Variants in GREM2 observed in about 807,000 individuals in gnomAD.
The protein encoded by GREM2 is gremlin 2, DAN family BMP antagonist, also known as gremlin-2.
Under a neutral mutation model 14.2 loss-of-function variants are expected in GREM2, and 11 were observed. That is an observed-to-expected ratio of 0.78 (90% CI 0.49 to 1.28). The LOEUF is 1.28. Ranked by LOEUF, GREM2 falls within the 50% of genes most tolerant of loss-of-function variation. The probability of loss-of-function intolerance (pLI) is 0.00; values close to 1 mark genes in which losing one functional copy is unlikely to be tolerated. For synonymous variants in GREM2, 98 were observed against 97.6 expected, an observed-to-expected ratio of 1.00 and a Z score of -0.02; for missense variants, 210 against 218.5, an observed-to-expected ratio of 0.96 and a Z score of 0.24.
intron 1 of GREM2, among the ~76,000 whole-genome samples, chr1:240,546,172 T>G (rs1678712202): frequency 6.6e-6 from 1 of 151,894 alleles, no homozygotes; most frequent in Non-Finnish European, 1.5e-5. Flanking sequence ...CCATCTCTAC[T>G]AAAAGACACA....
chr1:240,511,565 A>G (rs955743034), intron 1 of GREM2, among the ~76,000 whole-genome samples: 4 of 152,194 alleles, frequency 2.6e-5, no homozygotes, highest in African/African-American at 9.7e-5. Flanking sequence ...AGCCTGGCCA[A>G]CACGGTGAAA....
intron 1 of GREM2, chr1:240,531,763 C>G: frequency 2.5e-6 from 2 of 813,940 alleles, no homozygotes; most frequent in South Asian, 5.6e-5. Context: ...GACTGGAGAG[C>G]AATGGCGTGA....
At chr1:240,534,347 G>A (rs1678427711) in intron 1 of GREM2, among the ~76,000 whole-genome samples, 4 of 152,292 alleles carry the variant, frequency 2.6e-5, no homozygotes, top group Admixed American at 2.6e-4. Flanking sequence ...CAATTATGAG[G>A]AACCCTGAAA....
intron 1 of GREM2, among the ~76,000 whole-genome samples, chr1:240,609,598 C>G (rs993093359): frequency 1.3e-5 from 2 of 151,992 alleles, no homozygotes; most frequent in Non-Finnish European, 2.9e-5. Flanking sequence ...TGAAATAATT[C>G]TTTTTTGTCC....
chr1:240,495,139 AT>A (rs1200546939), intron 1 of GREM2, among the ~76,000 whole-genome samples: 1 of 152,206 alleles, frequency 6.6e-6, no homozygotes, highest in Admixed American at 6.5e-5. Flanking sequence ...AAATTTTTGT[AT>A]TTTTAGTAGT....
chr1:240,505,292 T>C (rs1677653038), intron 1 of GREM2, among the ~76,000 whole-genome samples: 1 of 152,172 alleles, frequency 6.6e-6, no homozygotes, highest in Non-Finnish European at 1.5e-5. Context: ...CTTTATACAT[T>C]ACCCATTCTC....
At chr1:240,537,023 C>T (rs1678487821) in intron 1 of GREM2, among the ~76,000 whole-genome samples, 1 of 152,140 alleles carries the variant, frequency 6.6e-6, no homozygotes, top group African/African-American at 2.4e-5. Flanking sequence ...ATTCCTAAGA[C>T]TTAGATACAT....
At chr1:240,571,402 T>C (rs1196978866) in intron 1 of GREM2, among the ~76,000 whole-genome samples, 1 of 152,110 alleles carries the variant, frequency 6.6e-6, no homozygotes, top group Non-Finnish European at 1.5e-5. Flanking sequence ...GACTACTCTA[T>C]AGAAAAAGAA....
intron 1 of GREM2, among the ~76,000 whole-genome samples, chr1:240,608,866 G>C (rs953781925): frequency 6.6e-6 from 1 of 152,138 alleles, no homozygotes; most frequent in Non-Finnish European, 1.5e-5. Context: ...TTGGCGACCG[G>C]AGTCTTCCTC....
At chr1:240,510,112 G>A (rs1354751023) in intron 1 of GREM2, among the ~76,000 whole-genome samples, 16 of 152,144 alleles carry the variant, frequency 1.1e-4, no homozygotes, top group Admixed American at 9.8e-4. Context: ...GCTCACGCCT[G>A]TAATCCCAGC....
intron 1 of GREM2, among the ~76,000 whole-genome samples, chr1:240,539,609 C>T (rs1239013333): frequency 6.6e-6 from 1 of 152,074 alleles, no homozygotes; most frequent in African/African-American, 2.4e-5. Context: ...TTGAAAGCCT[C>T]GAAATAACGT....
At chr1:240,527,936 GA>G (rs1678261811) in intron 1 of GREM2, among the ~76,000 whole-genome samples, 1 of 152,082 alleles carries the variant, frequency 6.6e-6, no homozygotes, top group Non-Finnish European at 1.5e-5. Context: ...AACACCAGAG[GA>G]AAATGAAATT....
chr1:240,558,969 C>T (rs1678994823), intron 1 of GREM2, among the ~76,000 whole-genome samples: 1 of 152,006 alleles, frequency 6.6e-6, no homozygotes, highest in African/African-American at 2.4e-5. Context: ...TGTATTTAAC[C>T]TGTTGTGTTG....
At position 240,492,366 on chromosome 1, in the gene GREM2, C is replaced by T; in HGVS notation, c.*603G>A. ...AGCCCACTTCGGGATCCAAGTGGCT[C>T]AAGTTGTCTTCTTGGTATCAGGTTT... is the stretch of plus-strand genomic sequence containing the variant. On this transcript the variant is annotated 3_prime_UTR_variant, in exon 2 of 2. Transcript: ENST00000318160. The T allele has an allele frequency of 3.4e-6, 1 of 297,132 alleles. No individual in the cohort carries two copies. The highest frequency in any genetic ancestry group is 7.0e-6 in the Non-Finnish European group (1 of 142,144). 18.4% of individuals were successfully genotyped at this position (297,132 alleles called of 1,614,324 possible).
chr1:240,495,224 G>A (rs1677381247), intron 1 of GREM2, among the ~76,000 whole-genome samples: 1 of 152,184 alleles, frequency 6.6e-6, no homozygotes, highest in Non-Finnish European at 1.5e-5. Flanking sequence ...TACCAATGTA[G>A]CTGTTACCAA....
At chr1:240,527,374 C>T (rs1678248172) in intron 1 of GREM2, among the ~76,000 whole-genome samples, 1 of 152,130 alleles carries the variant, frequency 6.6e-6, no homozygotes, top group African/African-American at 2.4e-5. Context: ...AATTTTCTAT[C>T]ATTAAAGTAG....
At chr1:240,557,785 A>G (rs1053257782) in intron 1 of GREM2, among the ~76,000 whole-genome samples, 1 of 152,076 alleles carries the variant, frequency 6.6e-6, no homozygotes, top group Non-Finnish European at 1.5e-5. Flanking sequence ...GATGGCTACC[A>G]CCGAGCTGCC....
chr1:240,514,638 C>A (rs1254287364), intron 1 of GREM2, among the ~76,000 whole-genome samples: 1 of 152,188 alleles, frequency 6.6e-6, no homozygotes, highest in Non-Finnish European at 1.5e-5. Context: ...ATAGCTCACA[C>A]CTGTAATCCC....
At chr1:240,548,075 A>G (rs1195292373) in intron 1 of GREM2, among the ~76,000 whole-genome samples, 1 of 150,870 alleles carries the variant, frequency 6.6e-6, no homozygotes, top group Non-Finnish European at 1.5e-5. Context: ...CAACCTGGTC[A>G]ACATGGTGAA....
Sources: allele counts gnomAD v4.1 joint callset (sites outside exome capture counted in the v4.1 genomes callset), GRCh38; gene constraint gnomAD v4.1.1; transcripts MANE v1.5; gene names NCBI Gene and HGNC (gene_info 2026-07-23, HGNC 2026-07-21).